The following LFNG variants were observed in gnomAD, a reference collection of about 807,000 sequenced individuals.
LFNG encodes the protein beta-1,3-N-acetylglucosaminyltransferase lunatic fringe.
LFNG carries 15 observed loss-of-function variants against 32.7 expected under a neutral mutation model. That is an observed-to-expected ratio of 0.46 (90% CI 0.31 to 0.71). LFNG has a LOEUF of 0.71. LFNG is among the 30% of genes least tolerant of loss of function. The pLI is 0.06. For synonymous variants in LFNG, 274 were observed against 246.8 expected, an observed-to-expected ratio of 1.11 and a Z score of -1.03; for missense variants, 520 against 545.7, an observed-to-expected ratio of 0.95 and a Z score of 0.47.
At chr7:2,528,546 A>G (rs1227526132), downstream of LFNG, 1 of 444,498 alleles carries the variant, frequency 2.2e-6, no homozygotes, top group East Asian at 1.1e-4. Flanking sequence ...TGGAGCAGGT[A>G]GATAGGAAAC....
At chr7:2,517,086 T>C (rs1188800173), upstream of LFNG, among the ~76,000 whole-genome samples, 1 of 152,134 alleles carries the variant, frequency 6.6e-6, no homozygotes, top group Non-Finnish European at 1.5e-5. Flanking sequence ...CCCACTTCCC[T>C]ACCAGGGCTG....
At chr7:2,523,610 G>C (rs911929527) in intron 1 of LFNG, 12 of 152,202 alleles carry the variant, frequency 7.9e-5, no homozygotes, top group African/African-American at 2.9e-4. Context: ...CCCGTGTGCC[G>C]GCAGGCCCAG....
upstream of LFNG, among the ~76,000 whole-genome samples, chr7:2,514,846 CCATCCATT>C (rs1779579819): frequency 3.9e-4 from 52 of 133,962 alleles, no homozygotes; most frequent in Middle Eastern, 4.1e-3. Context: ...ATCCATCCAT[CCATCCATT>C]CATCTGTCTA....
chr7:2,515,754 C>T (rs1159845170), upstream of LFNG, among the ~76,000 whole-genome samples: 3 of 152,234 alleles, frequency 2.0e-5, no homozygotes, highest in South Asian at 2.1e-4. Context: ...AGGGCACTGG[C>T]CCAAGACCAC....
At position 2,525,862 on chromosome 7, in the gene LFNG, C is replaced by T. The variant is rs971507080; in HGVS notation, c.821+92C>T. The T allele has an allele frequency of 4.6e-6, 5 of 1,095,072 alleles. No individual in the cohort carries two copies. The East Asian group carries it at 1.2e-4, about 27-fold the overall frequency. The allele number at this position is 1,095,072 out of a possible 1,614,324, so 67.8% of individuals were successfully genotyped here. On this transcript the variant is annotated intron_variant, in intron 5 of 7. Coordinates refer to ENST00000222725, the MANE Select transcript of LFNG (RefSeq NM_001040167.2). Reference sequence around the variant, plus strand: ...GTTCATCTTCCCAGCCATGGGGTGTCCCCAGCCTCCTGTGTGGCACTGCCC... The same window carrying T: ...GTTCATCTTCCCAGCCATGGGGTGTTCCCAGCCTCCTGTGTGGCACTGCCC...
At chr7:2,513,110 C>T (rs1230444196), upstream of LFNG, 3 of 1,602,196 alleles carry the variant, frequency 1.9e-6, no homozygotes, top group East Asian at 4.5e-5. Context: ...TGGGCTGGAC[C>T]CATTTTTCTA....
chr7:2,518,030 T>C (rs778553462), upstream of LFNG: 3 of 638,512 alleles, frequency 4.7e-6, no homozygotes, highest in Non-Finnish European at 6.3e-6. Context: ...GCTCCGTCTC[T>C]GAAACAATTC....
At position 2,520,494 on chromosome 7, in the gene LFNG, G is replaced by T. The variant is rs558764770; in HGVS notation, c.432+201G>T. ...CCGTTACAGTTGTGTTACTGTCCCCGGGGCCCCGCCTCCTGTCCAGCTCCA... is the reference window on the plus strand; with the variant it reads ...CCGTTACAGTTGTGTTACTGTCCCCTGGGCCCCGCCTCCTGTCCAGCTCCA... On this transcript the variant is annotated intron_variant, in intron 1 of 7. Coordinates refer to ENST00000222725, the MANE Select transcript of LFNG (RefSeq NM_001040167.2). This position sits in a 1 kb window ranked among gnomAD's most constrained non-coding sequence, Gnocchi z 5.0. Among the ~76,000 whole-genome samples, 1 of 152,272 alleles carries T rather than the reference G, an allele frequency of 6.6e-6. No homozygotes were observed. The highest frequency in any genetic ancestry group is 2.1e-4 in the South Asian group (1 of 4,824).
Position 2,527,714 on chromosome 7 carries a change from G to A in LFNG, c.*502G>A, listed in dbSNP as rs149714904. 5.4e-4 allele frequency: 573 copies of A among 1,055,242 alleles called. 5 individuals carry two copies. In the East Asian group the frequency reaches 9.1e-3, roughly 17 times the overall value. 65.4% of individuals were successfully genotyped at this position (1,055,242 alleles called of 1,614,324 possible). A position where few individuals can be genotyped will look rare whatever the true frequency, so the allele number is the denominator to read the frequency against. On this transcript the variant is annotated 3_prime_UTR_variant, in exon 8 of 8. Transcript: ENST00000222725. This position sits in a 1 kb window ranked among gnomAD's most constrained non-coding sequence, Gnocchi z 4.4. ...TGCAGGGGAGGCTGGGTCTGGGGGTGCGTGACCCAATCCCCTTCCTCCTGG... is the reference window on the plus strand; with the variant it reads ...TGCAGGGGAGGCTGGGTCTGGGGGTACGTGACCCAATCCCCTTCCTCCTGG...
upstream of LFNG, among the ~76,000 whole-genome samples, chr7:2,516,173 A>G (rs909039737): frequency 1.3e-5 from 2 of 152,236 alleles, no homozygotes; most frequent in Non-Finnish European, 2.9e-5. Flanking sequence ...AGCCACAGCC[A>G]CCACCATGCT....
intron 1 of LFNG, among the ~76,000 whole-genome samples, chr7:2,522,307 G>A (rs1415087316): frequency 1.3e-5 from 2 of 152,234 alleles, no homozygotes; most frequent in Non-Finnish European, 2.9e-5. Flanking sequence ...GATGACCACA[G>A]CATGGGGGTT....
chr7:2,517,854 G>GT (rs1779667076), upstream of LFNG: 17 of 1,209,502 alleles, frequency 1.4e-5, no homozygotes, highest in African/African-American at 6.3e-5. Context: ...TCAGCCAGTG[G>GT]AGAGCTATGG....
chr7:2,526,540 G>T lies in LFNG; in HGVS notation c.987+131G>T, dbSNP rs141230951. 6.9e-5 allele frequency: 69 copies of T among 1,006,956 alleles called. No homozygotes were observed. Among genetic ancestry groups the T allele is most frequent in the Non-Finnish European group, 9.9e-5 (67 of 673,492 alleles). The allele number at this position is 1,006,956 out of a possible 1,614,324, so 62.4% of individuals were successfully genotyped here. A position where few individuals can be genotyped will look rare whatever the true frequency, so the allele number is the denominator to read the frequency against. ...CAGGCAGCACTCCACTGTCAGCCAG[G>T]GGGGGTCACTCCTGCCATGAGCTCA... On this transcript the variant is annotated intron_variant, in intron 6 of 7. Transcript: ENST00000222725. This position sits in a 1 kb window ranked among gnomAD's most constrained non-coding sequence, Gnocchi z 6.9.
chr7:2,517,945 GTAGGA>G, upstream of LFNG: 1 of 1,152,666 alleles, frequency 8.7e-7, no homozygotes, highest in Non-Finnish European at 1.1e-6. Flanking sequence ...AGTAAAGCAG[GTAGGA>G]TAGGAGTGGG....
At chr7:2,515,115 C>A (rs1355597590), upstream of LFNG, among the ~76,000 whole-genome samples, 1 of 151,968 alleles carries the variant, frequency 6.6e-6, no homozygotes, top group Non-Finnish European at 1.5e-5. Flanking sequence ...TCTGCCCATC[C>A]ATCTGCCCCT....
Position 2,526,580 on chromosome 7 carries a change from G to A in LFNG, c.987+171G>A, listed in dbSNP as rs548873203. On this transcript the variant is annotated intron_variant, in intron 6 of 7. Coordinates refer to ENST00000222725, the MANE Select transcript of LFNG (RefSeq NM_001040167.2). The surrounding 1 kb of genome is among the most constrained non-coding windows in gnomAD (Gnocchi z 6.9). ...CCATGAGCTCAAAGCTGTTTATGGC[G>A]GGTTGTTTTCCTGCCGTCTCTTCTC... 1.5e-4 allele frequency among the ~76,000 whole-genome samples: 23 copies of A among 152,304 alleles called. No individual in the cohort carries two copies. The highest frequency in any genetic ancestry group is 4.1e-4 in the African/African-American group (17 of 41,566).
chr7:2,522,930 C>T (rs575142804), intron 1 of LFNG, among the ~76,000 whole-genome samples: 4 of 152,216 alleles, frequency 2.6e-5, no homozygotes, highest in African/African-American at 9.7e-5. Context: ...AGCCCAGCAG[C>T]GCCTTTTTCC....
In LFNG at chr7:2,522,578, C is replaced by G. The variant is rs117357970; in HGVS notation, c.433-2117C>G. 4.0e-3 allele frequency among the ~76,000 whole-genome samples: 510 copies of G among 127,162 alleles called. 1 individual carries two copies. Among genetic ancestry groups the G allele is most frequent in the African/African-American group, 0.012 (487 of 39,312 alleles). The allele number at this position is 127,162 out of a possible 152,430, so 83.4% of individuals were successfully genotyped here. A position where few individuals can be genotyped will look rare whatever the true frequency, so the allele number is the denominator to read the frequency against. On this transcript the variant is annotated intron_variant, in intron 1 of 7. Coordinates refer to ENST00000222725, the MANE Select transcript of LFNG (RefSeq NM_001040167.2). Reference sequence around the variant, plus strand: ...CTTCCTGTGGGTGTCCCCCGGCCCCCGCCCCCGTCCACCCTCATCCACCCG... The same window carrying G: ...CTTCCTGTGGGTGTCCCCCGGCCCCGGCCCCCGTCCACCCTCATCCACCCG...
chr7:2,525,069 C>A, intron 2 of LFNG, 150 bp from the exon 3 acceptor site: 1 of 742,862 alleles, frequency 1.3e-6, no homozygotes, highest in Non-Finnish European at 2.3e-6. Flanking sequence ...AGGCCCAAGC[C>A]CCGAGCTAGG....
Sources: allele counts gnomAD v4.1 joint callset (sites outside exome capture counted in the v4.1 genomes callset), GRCh38; gene constraint gnomAD v4.1.1; non-coding constraint Gnocchi (gnomAD v3.1); transcripts MANE v1.5; gene names NCBI Gene and HGNC (gene_info 2026-07-23, HGNC 2026-07-21).